The following CTNND2 variants were observed in gnomAD, a reference collection of about 807,000 sequenced individuals.
CTNND2 encodes the protein catenin delta-2.
A neutral mutation model predicts 144.4 loss-of-function variants in CTNND2; 22 were observed. That is an observed-to-expected ratio of 0.15 (90% CI 0.11 to 0.22). The LOEUF is 0.22. CTNND2 is among the 10% of genes least tolerant of loss of function. The pLI, the probability that CTNND2 is intolerant of heterozygous loss-of-function variation, is 1.00. For missense variants in CTNND2, 1,353 were observed against 1,618.8 expected (o/e 0.84, Z 2.82); for synonymous variants, 751 against 695.6 (o/e 1.08, Z -1.25).
At chr5:11,407,835 C>T (rs941944221) in intron 5 of CTNND2, among the ~76,000 whole-genome samples, 5 of 149,758 alleles carry the variant, frequency 3.3e-5, no homozygotes, top group South Asian at 2.1e-4. Context: ...TATCTATTTG[C>T]TATGTTTCTA....
At chr5:11,544,839 C>G (rs1417807895) in intron 3 of CTNND2, among the ~76,000 whole-genome samples, 1 of 152,080 alleles carries the variant, frequency 6.6e-6, no homozygotes, top group Non-Finnish European at 1.5e-5. Context: ...CAAAAATTAG[C>G]CGGGCGTGGT....
Position 11,346,585 on chromosome 5 carries a change from G to A in CTNND2, c.1415C>T (p.Thr472Ile). Reference protein sequence around the residue: ...PGVDSVPLQRTGSQHGPQNAA... With the variant: ...PGVDSVPLQRIGSQHGPQNAA... ...ATTCTGTGGGCCGTGCTGGCTGCCT[G>A]TGCGCTGCAAGGGGACGGAGTCGAC... The change falls in exon 9 of 22, where the codon ACA becomes ATA. Residue 472 changes from threonine to isoleucine, a missense_variant. Around this residue, in one of 4 missense-constraint regions of CTNND2, gnomAD observed 708 missense variants for 706.4 expected, o/e 1.00. Transcript: ENST00000304623. The A allele has an allele frequency of 4.4e-6, 7 of 1,589,200 alleles. No individual in the cohort carries two copies. Among genetic ancestry groups the A allele is most frequent in the Non-Finnish European group, 6.0e-6 (7 of 1,167,386 alleles).
chr5:11,076,944 G>T (rs1425957710), intron 16 of CTNND2, among the ~76,000 whole-genome samples: 1 of 152,178 alleles, frequency 6.6e-6, no homozygotes, highest in Non-Finnish European at 1.5e-5. Context: ...CTGAAATCCT[G>T]AGTGTCTGCA....
At chr5:11,658,292 C>T (rs749583145) in intron 2 of CTNND2, among the ~76,000 whole-genome samples, 7 of 151,920 alleles carry the variant, frequency 4.6e-5, no homozygotes, top group Non-Finnish European at 7.4e-5. Context: ...ATTACATAAA[C>T]CTCGTCCAAG....
At chr5:11,096,799 G>GTGAC (rs1212117277) in intron 15 of CTNND2, among the ~76,000 whole-genome samples, 1 of 142,504 alleles carries the variant, frequency 7.0e-6, no homozygotes, top group Non-Finnish European at 1.6e-5. Context: ...AAGAGAGAGA[G>GTGAC]AGACAGAGAG....
chr5:11,719,290 G>A (rs1432058735), intron 2 of CTNND2, among the ~76,000 whole-genome samples: 3 of 152,126 alleles, frequency 2.0e-5, no homozygotes, highest in Non-Finnish European at 4.4e-5. Context: ...CTTCAGAAGC[G>A]AGTGTCACGT....
Position 11,079,142 on chromosome 5 carries a change from T to C in CTNND2, c.2788+3554A>G, listed in dbSNP as rs1376997645. On this transcript the variant is annotated intron_variant, in intron 16 of 21. Coordinates refer to ENST00000304623, the MANE Select transcript of CTNND2 (RefSeq NM_001332.4). ...AATTTGGATAGGGGAAAAAGAACCA[T>C]GTAACTATAAAAACATTTTGTCTGC... Among the ~76,000 whole-genome samples, 3 of 124,014 alleles carry C rather than the reference T, an allele frequency of 2.4e-5. No homozygotes were observed. In the East Asian group the frequency reaches 1.5e-3, roughly 63 times the overall value. The allele number at this position is 124,014 out of a possible 152,430, so 81.4% of individuals were successfully genotyped here. A position where few individuals can be genotyped will look rare whatever the true frequency, so the allele number is the denominator to read the frequency against.
chr5:11,453,880 G>A (rs886335335), intron 3 of CTNND2, among the ~76,000 whole-genome samples: 49 of 151,806 alleles, frequency 3.2e-4, no homozygotes, highest in African/African-American at 1.1e-3. Flanking sequence ...TTTATTACAC[G>A]ATAATATAAC....
chr5:11,175,414 A>G (rs1483769071), intron 11 of CTNND2, among the ~76,000 whole-genome samples: 5 of 152,158 alleles, frequency 3.3e-5, no homozygotes, highest in Non-Finnish European at 1.5e-5. Context: ...TTATCGCTCT[A>G]TTCTTATCAT....
At chr5:11,091,505 T>G (rs1168010564) in intron 15 of CTNND2, among the ~76,000 whole-genome samples, 1 of 152,262 alleles carries the variant, frequency 6.6e-6, no homozygotes, top group Non-Finnish European at 1.5e-5. Flanking sequence ...ACTTGCAGGA[T>G]AGTTTTTAGT....
chr5:11,095,224 C>A (rs540184186), intron 15 of CTNND2, among the ~76,000 whole-genome samples: 1 of 152,196 alleles, frequency 6.6e-6, no homozygotes, highest in African/African-American at 2.4e-5. Flanking sequence ...CAAACTTACA[C>A]GGAAATCTCA....
At chr5:11,020,884 AGG>A (rs555054076) in intron 17 of CTNND2, among the ~76,000 whole-genome samples, 1 of 152,338 alleles carries the variant, frequency 6.6e-6, no homozygotes, top group Non-Finnish European at 1.5e-5. Context: ...AAAGAGATAA[AGG>A]AACAACAAGA....
chr5:11,473,277 G>C (rs905548996), intron 3 of CTNND2, among the ~76,000 whole-genome samples: 2 of 152,162 alleles, frequency 1.3e-5, no homozygotes, highest in Non-Finnish European at 2.9e-5. Flanking sequence ...TGGGAGTGGG[G>C]AGAGAGAAAA....
intron 1 of CTNND2, among the ~76,000 whole-genome samples, chr5:11,863,471 G>C (rs1474293974): frequency 6.6e-6 from 1 of 152,082 alleles, no homozygotes. Flanking sequence ...GCTGCTACCA[G>C]GACAATAAAA....
intron 12 of CTNND2, among the ~76,000 whole-genome samples, chr5:11,124,797 A>G (rs1295458346): frequency 6.6e-6 from 1 of 152,152 alleles, no homozygotes; most frequent in Non-Finnish European, 1.5e-5. Context: ...GTATATTTTT[A>G]TATGCACGTT....
chr5:11,747,213 G>C (rs115393210), intron 1 of CTNND2, among the ~76,000 whole-genome samples: 3,383 of 152,176 alleles, frequency 0.022, 64 homozygotes, highest in Non-Finnish European at 0.039. Context: ...AAGCTACAGG[G>C]ACACTTATCC....
chr5:11,498,764 C>T (rs1283029700), intron 3 of CTNND2, among the ~76,000 whole-genome samples: 3 of 152,110 alleles, frequency 2.0e-5, no homozygotes, highest in Non-Finnish European at 2.9e-5. Context: ...TTTTCCTTTA[C>T]TTAAAACAAA....
intron 11 of CTNND2, among the ~76,000 whole-genome samples, chr5:11,193,620 T>C (rs1315414969): frequency 6.6e-6 from 1 of 152,154 alleles, no homozygotes; most frequent in Non-Finnish European, 1.5e-5. Flanking sequence ...CTTGGTGTAA[T>C]ATATGAATTG....
At chr5:11,257,844 G>C (rs1744428597) in intron 9 of CTNND2, among the ~76,000 whole-genome samples, 1 of 152,120 alleles carries the variant, frequency 6.6e-6, no homozygotes, top group Admixed American at 6.6e-5. Flanking sequence ...CTCACTTATA[G>C]CTCTGCAATA....
Sources: allele counts gnomAD v4.1 joint callset (sites outside exome capture counted in the v4.1 genomes callset), GRCh38; gene constraint gnomAD v4.1.1; regional missense constraint gnomAD v4.1.1; transcripts MANE v1.5; gene names NCBI Gene and HGNC (gene_info 2026-07-23, HGNC 2026-07-21).